Variants in RBFOX1 observed in about 807,000 individuals in gnomAD.
The protein encoded by RBFOX1 is RNA binding fox-1 homolog 1.
RBFOX1 carries 8 observed loss-of-function variants against 57.7 expected under a neutral mutation model. The observed-to-expected ratio is 0.14, with a 90% CI of 0.08 to 0.25. The LOEUF (loss-of-function observed/expected upper bound fraction) is 0.25, where lower values mean the gene tolerates loss of function less well. RBFOX1 is among the 10% of genes least tolerant of loss of function. RBFOX1 has a pLI of 1.00. For missense variants in RBFOX1, 611 were observed against 548.5 expected (o/e 1.11, Z -1.14); for synonymous variants, 326 against 222.4 (o/e 1.47, Z -4.15).
chr16:6,931,378 T>G (rs2076535071), intron 3 of RBFOX1, among the ~76,000 whole-genome samples: 1 of 151,818 alleles, frequency 6.6e-6, no homozygotes, highest in African/African-American at 2.4e-5. Context: ...TACACATATA[T>G]ACATACATAT....
At chr16:6,275,941 G>T (rs1424826483) in intron 1 of RBFOX1, among the ~76,000 whole-genome samples, 1 of 152,104 alleles carries the variant, frequency 6.6e-6, no homozygotes, top group Non-Finnish European at 1.5e-5. Flanking sequence ...GCAAGCCAGG[G>T]TGAGTTTTTG....
At chr16:6,366,089 G>GCA (rs2152880918) in intron 2 of RBFOX1, among the ~76,000 whole-genome samples, 1 of 135,932 alleles carries the variant, frequency 7.4e-6, no homozygotes, top group Admixed American at 7.1e-5. Context: ...CATTCTATGT[G>GCA]TGTGTGTGTG....
At chr16:5,664,094 C>G (rs1419803740) in intron 3 of RBFOX1, among the ~76,000 whole-genome samples, 2 of 152,346 alleles carry the variant, frequency 1.3e-5, no homozygotes, top group East Asian at 1.9e-4. Context: ...GCAGCTGCCT[C>G]TAGGCGTGCC....
intron 3 of RBFOX1, among the ~76,000 whole-genome samples, chr16:7,051,568 A>G (rs1045229111): frequency 3.9e-5 from 6 of 152,256 alleles, no homozygotes; most frequent in Admixed American, 1.3e-4. Flanking sequence ...CCATCTGATT[A>G]GAACTGGACC....
At chr16:7,685,702 A>T (rs996464735) in intron 14 of RBFOX1, among the ~76,000 whole-genome samples, 3 of 152,138 alleles carry the variant, frequency 2.0e-5, no homozygotes, top group Admixed American at 6.6e-5. Context: ...CATTAAATTA[A>T]ATGCATTTAA....
intron 4 of RBFOX1, among the ~76,000 whole-genome samples, chr16:7,308,463 A>G (rs73559816): frequency 0.015 from 2,235 of 152,264 alleles, 61 homozygotes; most frequent in African/African-American, 0.052. Flanking sequence ...CCTAAATTTA[A>G]AAATACGTCA....
At chr16:5,677,471 A>G (rs1475422742) in intron 3 of RBFOX1, among the ~76,000 whole-genome samples, 1 of 152,204 alleles carries the variant, frequency 6.6e-6, no homozygotes, top group Non-Finnish European at 1.5e-5. Context: ...CTTACGAGTG[A>G]TTAGGAGTGA....
chr16:7,557,060 C>A (rs1360532927), intron 5 of RBFOX1, among the ~76,000 whole-genome samples: 2 of 152,072 alleles, frequency 1.3e-5, no homozygotes, highest in African/African-American at 4.8e-5. Flanking sequence ...TTGATACAGT[C>A]TTTGTAATGT....
chr16:6,678,181 T>G (rs2058060199), intron 3 of RBFOX1, among the ~76,000 whole-genome samples: 1 of 152,364 alleles, frequency 6.6e-6, no homozygotes, highest in Middle Eastern at 3.4e-3. Context: ...TGGAGTGCAG[T>G]GGCACAATCT....
chr16:5,477,048 C>G (rs1410520581), intron 2 of RBFOX1, among the ~76,000 whole-genome samples: 2 of 152,194 alleles, frequency 1.3e-5, no homozygotes, highest in Non-Finnish European at 2.9e-5. Context: ...AGGTCTCGCT[C>G]TGTCACCCAG....
intron 4 of RBFOX1, among the ~76,000 whole-genome samples, chr16:7,110,034 T>G (rs1224711508): frequency 1.3e-5 from 2 of 151,964 alleles, no homozygotes; most frequent in East Asian, 3.9e-4. Flanking sequence ...ATTCACCTGT[T>G]TATTTAGAAA....
intron 4 of RBFOX1, among the ~76,000 whole-genome samples, chr16:7,299,259 C>T (rs1321788194): frequency 4.6e-5 from 7 of 152,230 alleles, no homozygotes; most frequent in Admixed American, 3.3e-4. Context: ...TAACTGATGT[C>T]AGTCTTTTAG....
At chr16:6,993,126 T>C (rs1235708070) in intron 3 of RBFOX1, among the ~76,000 whole-genome samples, 3 of 152,214 alleles carry the variant, frequency 2.0e-5, no homozygotes, top group Non-Finnish European at 2.9e-5. Context: ...GTAGGATCCA[T>C]AGATGGACTG....
intron 4 of RBFOX1, among the ~76,000 whole-genome samples, chr16:7,364,739 G>A (rs1004917702): frequency 6.6e-6 from 1 of 152,140 alleles, no homozygotes; most frequent in African/African-American, 2.4e-5. Flanking sequence ...TCCCAGGGCA[G>A]GGAATACTTG....
intron 3 of RBFOX1, among the ~76,000 whole-genome samples, chr16:6,689,733 A>T (rs937154103): frequency 1.3e-5 from 2 of 152,020 alleles, no homozygotes; most frequent in East Asian, 3.9e-4. Context: ...CTTCCCTGAA[A>T]CTCCCACAAC....
chr16:5,365,859 G>C (rs1245592007), intron 1 of RBFOX1: 1 of 513,186 alleles, frequency 1.9e-6, no homozygotes. Flanking sequence ...TTTCGGGTGT[G>C]AACTCAAGGC....
intron 4 of RBFOX1, among the ~76,000 whole-genome samples, chr16:7,129,278 G>T (rs915225363): frequency 6.6e-6 from 1 of 152,024 alleles, no homozygotes; most frequent in Non-Finnish European, 1.5e-5. Flanking sequence ...AATCATTTTG[G>T]CCAGGAAAAC....
At chr16:7,006,174 T>C (rs2093281894) in intron 3 of RBFOX1, among the ~76,000 whole-genome samples, 1 of 152,080 alleles carries the variant, frequency 6.6e-6, no homozygotes, top group Admixed American at 6.6e-5. Context: ...TTTTTTGAGA[T>C]GGAGTCTCAC....
chr16:6,621,337 G>A (rs1354138870), intron 2 of RBFOX1, among the ~76,000 whole-genome samples: 4 of 152,132 alleles, frequency 2.6e-5, no homozygotes, highest in Non-Finnish European at 4.4e-5. Context: ...GGTGGCAGGC[G>A]CCTGTAGTCC....
Sources: gnomAD v4.1 joint callset for allele counts (sites outside exome capture counted in the v4.1 genomes callset) on GRCh38, gnomAD v4.1.1 for gene constraint, MANE v1.5 for transcripts, NCBI Gene and HGNC (gene_info 2026-07-23, HGNC 2026-07-21) for gene names.